The following RELB variants were observed in gnomAD, a reference collection of about 807,000 sequenced individuals.
RELB encodes the protein RELB proto-oncogene, NF-kB subunit, also known as transcription factor RelB.
In RELB, 14 loss-of-function variants were observed where a neutral mutation model predicts 55.4. The ratio of observed to expected loss-of-function variants is 0.25; its 90% CI spans 0.17 to 0.40. The LOEUF (loss-of-function observed/expected upper bound fraction) is 0.40, where lower values mean the gene tolerates loss of function less well. Among genes scored for constraint, RELB ranks in the 10% least tolerant of loss-of-function variants. The pLI, the probability that RELB is intolerant of heterozygous loss-of-function variation, is 1.00. For missense variants in RELB, 669 were observed against 830.7 expected (o/e 0.81, Z 2.39); for synonymous variants, 409 against 371.3 (o/e 1.10, Z -1.17).
Position 45,032,680 on chromosome 19 carries a change from T to C in RELB, c.1138T>C (p.Phe380Leu). 2 of 1,611,480 alleles carry C rather than the reference T, an allele frequency of 1.2e-6. No individual in the cohort carries two copies. The highest frequency in any genetic ancestry group is 1.7e-6 in the Non-Finnish European group (2 of 1,178,960). The change falls in exon 9 of 12, where the codon TTC (phenylalanine) becomes CTC (leucine). Residue 380 changes from phenylalanine to leucine, a missense_variant. Around this residue, in one of 3 missense-constraint regions of RELB, gnomAD observed 341 missense variants for 436.8 expected, o/e 0.78. Transcript: ENST00000221452. ...EIVEPVTVNV[F>L]LQRLTDGVCS... ...TGTCGAGCCCGTGACAGTCAACGTC[T>C]TCCTGCAGCGGCTCACCGATGGGGT...
chr19:45,020,747 T>C (rs979505370), intron 4 of RELB, among the ~76,000 whole-genome samples: 2 of 150,752 alleles, frequency 1.3e-5, no homozygotes, highest in East Asian at 2.0e-4. Context: ...TTAGTAGAGA[T>C]GGGGTTTCAC....
intron 11 of RELB, among the ~76,000 whole-genome samples, chr19:45,035,988 G>T (rs1971681372): frequency 1.3e-5 from 2 of 152,222 alleles, no homozygotes; most frequent in African/African-American, 4.8e-5. Flanking sequence ...CCAGTTAGCA[G>T]ACCTTAGTCA....
intron 2 of RELB, chr19:45,008,601 A>G (rs926370291): frequency 8.8e-6 from 4 of 453,816 alleles, no homozygotes; most frequent in Non-Finnish European, 1.8e-5. Flanking sequence ...TTGGCACCCT[A>G]CTGGCTTCAC....
At chr19:45,004,182 T>G (rs1971254216) in intron 2 of RELB, among the ~76,000 whole-genome samples, 1 of 150,870 alleles carries the variant, frequency 6.6e-6, no homozygotes, top group South Asian at 2.1e-4. Flanking sequence ...CCTCCCAAAG[T>G]GCTGGGATTA....
chr19:45,010,294 G>A (rs1292494266), intron 3 of RELB, among the ~76,000 whole-genome samples: 9 of 80,210 alleles, frequency 1.1e-4, no homozygotes, highest in Admixed American at 9.8e-4. Flanking sequence ...CAGCCTGGGC[G>A]GCAGAGCAAG....
chr19:45,027,624 C>T (rs527388768), intron 7 of RELB, among the ~76,000 whole-genome samples: 3 of 152,110 alleles, frequency 2.0e-5, no homozygotes, highest in Admixed American at 6.6e-5. Context: ...CTGGGGCATG[C>T]GCTCAATTAC....
intron 5 of RELB, among the ~76,000 whole-genome samples, chr19:45,023,701 G>C (rs1193628488): frequency 7.1e-6 from 1 of 141,160 alleles, no homozygotes; most frequent in African/African-American, 2.7e-5. Context: ...GCCTCCCAAA[G>C]TGCTGGGATT....
At chr19:45,036,491 C>A (rs1971687233) in intron 11 of RELB, among the ~76,000 whole-genome samples, 1 of 152,152 alleles carries the variant, frequency 6.6e-6, no homozygotes, top group African/African-American at 2.4e-5. Context: ...GACTTCCCAA[C>A]TTGTGTCTCC....
In RELB at chr19:45,002,953, C is replaced by T. The variant is rs747986149; in HGVS notation, c.111C>T (p.Ser37=). 7 of 1,613,472 alleles carry T rather than the reference C, an allele frequency of 4.3e-6. No individual in the cohort carries two copies. Among genetic ancestry groups the T allele is most frequent in the Middle Eastern group, 1.7e-4 (1 of 6,060 alleles). Residue 37 remains serine (S), a synonymous_variant, in exon 2 of 12, where the codon TCC becomes TCT. Coordinates refer to ENST00000221452, the MANE Select transcript of RELB (RefSeq NM_006509.4). ...PAAPELGALG[S]PDLSSLSLAV... is the part of the protein sequence containing the mutation. ...GACGTTTCTCCTTCTCTGCAGGGTC[C>T]CCCGACCTCTCCTCACTCTCGCTCG... is the stretch of plus-strand genomic sequence containing the variant.
chr19:45,024,578 T>C (rs1409679116), intron 5 of RELB, among the ~76,000 whole-genome samples: 1 of 151,808 alleles, frequency 6.6e-6, no homozygotes, highest in African/African-American at 2.4e-5. Context: ...TGAGACAGAT[T>C]CTTGCTCTGT....
chr19:45,026,933 A>G (rs962692408), intron 7 of RELB, among the ~76,000 whole-genome samples: 1 of 152,208 alleles, frequency 6.6e-6, no homozygotes, highest in African/African-American at 2.4e-5. Context: ...GATGCAAGTG[A>G]TAGAATCCCA....
intron 8 of RELB, among the ~76,000 whole-genome samples, chr19:45,030,813 A>C (rs1971611807): frequency 6.6e-6 from 1 of 152,174 alleles, no homozygotes; most frequent in African/African-American, 2.4e-5. Flanking sequence ...GAATAAAGTA[A>C]AGTGAAGAAA....
intron 8 of RELB, among the ~76,000 whole-genome samples, chr19:45,031,574 A>C (rs1013875223): frequency 2.0e-5 from 3 of 151,918 alleles, no homozygotes; most frequent in East Asian, 3.9e-4. Context: ...GGGGATATTA[A>C]TTCTTTTGTT....
intron 2 of RELB, among the ~76,000 whole-genome samples, chr19:45,003,906 G>GTTTTT (rs1568395564): frequency 4.8e-4 from 30 of 62,534 alleles, no homozygotes; most frequent in African/African-American, 1.6e-3. Context: ...TTTTTTGTCT[G>GTTTTT]TTTTTTGTGT....
chr19:45,017,124 G>A (rs1159954368), intron 4 of RELB, among the ~76,000 whole-genome samples: 1 of 152,140 alleles, frequency 6.6e-6, no homozygotes, highest in African/African-American at 2.4e-5. Flanking sequence ...CTCCCCCACT[G>A]AGACCAATGG....
At chr19:45,036,353 G>A (rs546032355) in intron 11 of RELB, among the ~76,000 whole-genome samples, 21 of 152,196 alleles carry the variant, frequency 1.4e-4, no homozygotes, top group African/African-American at 4.1e-4. Flanking sequence ...GATTACAGGC[G>A]TGAGCCACCA....
intron 3 of RELB, 87 bp downstream of exon 3, chr19:45,009,909 G>C: frequency 1.5e-6 from 2 of 1,294,834 alleles, no homozygotes; most frequent in Non-Finnish European, 2.2e-6. Context: ...TTCAGTGGGG[G>C]TGGGGGAGAG....
At position 45,001,673 on chromosome 19, in the gene RELB, C is replaced by T; in HGVS notation, c.94C>T (p.Leu32=). Residue 32 remains leucine (L), a synonymous_variant, in exon 1 of 12, where the codon CTG becomes TTG. Coordinates refer to ENST00000221452, the MANE Select transcript of RELB (RefSeq NM_006509.4). ...RVARPPAAPE[L]GALGSPDLSS... is the part of the protein sequence containing the mutation. ...CGCCAGACCGCCGGCTGCGCCGGAG[C>T]TGGGGGCCTTAGGTAAGCGGGGCTG... The T allele has an allele frequency of 1.3e-6, 2 of 1,520,960 alleles. No individual in the cohort carries two copies. The highest frequency in any genetic ancestry group is 1.2e-5 in the South Asian group (1 of 82,464). 94.2% of individuals were successfully genotyped at this position (1,520,960 alleles called of 1,614,324 possible).
At chr19:45,033,067 C>A (rs1971644598) in intron 9 of RELB, among the ~76,000 whole-genome samples, 1 of 152,164 alleles carries the variant, frequency 6.6e-6, no homozygotes, top group Non-Finnish European at 1.5e-5. Flanking sequence ...ACCAGCACGG[C>A]CCCTAGCTGT....
Sources: allele counts gnomAD v4.1 joint callset (sites outside exome capture counted in the v4.1 genomes callset), GRCh38; gene constraint gnomAD v4.1.1; regional missense constraint gnomAD v4.1.1; transcripts MANE v1.5; gene names NCBI Gene and HGNC (gene_info 2026-07-23, HGNC 2026-07-21).